The following DYSF variants were observed in gnomAD, a reference collection of about 807,000 sequenced individuals.
DYSF encodes the protein dysferlin.
In DYSF, 212 loss-of-function variants were observed where a neutral mutation model predicts 274.9. The ratio of observed to expected loss-of-function variants is 0.77; its 90% CI spans 0.69 to 0.86. The LOEUF is 0.86. DYSF is among the 40% of genes least tolerant of loss of function. The pLI, the probability that DYSF is intolerant of heterozygous loss-of-function variation, is 0.00. For synonymous variants in DYSF, 1,091 were observed against 1,078.7 expected, an observed-to-expected ratio of 1.01 and a Z score of -0.22; for missense variants, 2,666 against 2,783.2, an observed-to-expected ratio of 0.96 and a Z score of 0.95.
chr2:71,598,034 G>C (rs2093448344), intron 32 of DYSF, among the ~76,000 whole-genome samples: 2 of 152,192 alleles, frequency 1.3e-5, no homozygotes, highest in Admixed American at 6.5e-5. Flanking sequence ...CTTCCTCAAG[G>C]AAGCCAGATC....
intron 52 of DYSF, among the ~76,000 whole-genome samples, chr2:71,677,263 G>C (rs1179921604): frequency 6.6e-6 from 1 of 152,162 alleles, no homozygotes; most frequent in Non-Finnish European, 1.5e-5. Context: ...TATATTTAAT[G>C]TTCGGTTATA....
chr2:71,572,347 C>A (rs2092542433), intron 29 of DYSF, among the ~76,000 whole-genome samples: 2 of 149,674 alleles, frequency 1.3e-5, no homozygotes, highest in East Asian at 4.0e-4. Flanking sequence ...ACAGATCACA[C>A]CCAGCACAGA....
At chr2:71,535,186 C>G in intron 15 of DYSF, 82 bp from the exon 16 acceptor site, 1 of 1,598,432 alleles carries the variant, frequency 6.3e-7, no homozygotes, top group Non-Finnish European at 8.6e-7. Context: ...TGCCAGTATC[C>G]CAGACTTCAG....
intron 29 of DYSF, among the ~76,000 whole-genome samples, chr2:71,573,326 C>T (rs2092587273): frequency 6.6e-6 from 1 of 152,208 alleles, no homozygotes; most frequent in Non-Finnish European, 1.5e-5. Flanking sequence ...TGTGCCTTGC[C>T]CACCACCCCA....
intron 46 of DYSF, 139 bp downstream of exon 46, chr2:71,664,577 ATGG>A: frequency 1.0e-6 from 1 of 993,896 alleles, no homozygotes; most frequent in Non-Finnish European, 1.5e-6. Flanking sequence ...ATTGAGTCCA[ATGG>A]GAGTCCTATC....
At chr2:71,674,843 C>A (rs1233525077) in intron 52 of DYSF, among the ~76,000 whole-genome samples, 1 of 152,028 alleles carries the variant, frequency 6.6e-6, no homozygotes, top group Non-Finnish European at 1.5e-5. Flanking sequence ...GATATGGGGA[C>A]AAGGAGGAAG....
intron 42 of DYSF, among the ~76,000 whole-genome samples, chr2:71,644,767 T>C (rs918373675): frequency 6.6e-6 from 1 of 152,216 alleles, no homozygotes; most frequent in African/African-American, 2.4e-5. Context: ...TTAAAGGAGT[T>C]GCATGGTCTC....
intron 1 of DYSF, among the ~76,000 whole-genome samples, chr2:71,467,380 T>C (rs886599025): frequency 6.6e-6 from 1 of 152,184 alleles, no homozygotes; most frequent in Admixed American, 6.5e-5. Flanking sequence ...TTATCCAACA[T>C]TGGCTGTATT....
intron 20 of DYSF, 128 bp downstream of exon 20, chr2:71,553,316 C>A (rs1002726819): frequency 1.5e-6 from 2 of 1,348,632 alleles, no homozygotes; most frequent in East Asian, 2.4e-5. Flanking sequence ...CCCTGGCAAA[C>A]CTGTTCCAGC....
At chr2:71,561,286 T>C (rs2091737523) in intron 22 of DYSF, among the ~76,000 whole-genome samples, 1 of 152,206 alleles carries the variant, frequency 6.6e-6, no homozygotes, top group African/African-American at 2.4e-5. Context: ...CAGGGGTTCC[T>C]AAATTTCTTC....
chr2:71,585,950 T>G (rs2152838063), intron 30 of DYSF, among the ~76,000 whole-genome samples: 1 of 150,226 alleles, frequency 6.7e-6, no homozygotes, highest in East Asian at 2.0e-4. Context: ...AGGGGACACA[T>G]GGGGCAAGGG....
chr2:71,660,630 C>T lies in DYSF; in HGVS notation c.4982C>T (p.Thr1661Met), dbSNP rs144383140. ...GACCAGGATAACTACATCCCCTGCA[C>T]GCTGGAGCCCGTATTTGGAAAGTAA... ...VSDQDNYIPC[T>M]LEPVFGKMFE... The change falls in exon 45 of 56, where the codon ACG (threonine) becomes ATG (methionine). Residue 1661 changes from threonine to methionine, a missense_variant. By Grantham distance (81) the Thr-to-Met change is moderately conservative. This residue lies in a region of DYSF where 1,460 missense variants were observed against 1,502.1 expected (regional missense o/e 0.97). Coordinates refer to ENST00000410020, the MANE Select transcript of DYSF (RefSeq NM_001130987.2). 4.5e-5 allele frequency: 73 copies of T among 1,613,906 alleles called. No homozygotes were observed. The highest frequency in any genetic ancestry group is 6.7e-5 in the African/African-American group (5 of 74,920).
chr2:71,531,986 C>T (rs1438278632), intron 14 of DYSF, among the ~76,000 whole-genome samples: 2 of 152,202 alleles, frequency 1.3e-5, no homozygotes, highest in Non-Finnish European at 2.9e-5. Context: ...AATGAGTCAG[C>T]ATTCACTAAT....
intron 10 of DYSF, among the ~76,000 whole-genome samples, chr2:71,519,333 C>T (rs1373902531): frequency 7.9e-5 from 12 of 151,666 alleles, no homozygotes; most frequent in Admixed American, 6.6e-4. Flanking sequence ...TTCTGAGAAC[C>T]CAAGGGTTAA....
At chr2:71,650,371 C>T (rs763893059) in intron 42 of DYSF, among the ~76,000 whole-genome samples, 6 of 152,108 alleles carry the variant, frequency 3.9e-5, no homozygotes, top group Non-Finnish European at 8.8e-5. Flanking sequence ...ATTCTAGCTA[C>T]TCAGGAGGCT....
intron 42 of DYSF, among the ~76,000 whole-genome samples, chr2:71,645,148 AC>A (rs1490821153): frequency 4.6e-5 from 7 of 151,868 alleles, no homozygotes; most frequent in Admixed American, 6.6e-5. Context: ...GCTCAATTAG[AC>A]CCCTGCCTTA....
intron 9 of DYSF, 58 bp downstream of exon 9, chr2:71,516,300 G>C: frequency 6.6e-7 from 1 of 1,514,962 alleles, no homozygotes; most frequent in Non-Finnish European, 9.2e-7. Flanking sequence ...ATAGGTGTCA[G>C]TGCACACGCG....
intron 35 of DYSF, among the ~76,000 whole-genome samples, chr2:71,601,997 T>C (rs1351954793): frequency 3.9e-5 from 6 of 152,230 alleles, no homozygotes; most frequent in African/African-American, 1.4e-4. Flanking sequence ...TTCTCACACA[T>C]GCACGAGTTT....
chr2:71,595,484 A>G (rs1225280528), intron 32 of DYSF, among the ~76,000 whole-genome samples: 2 of 152,018 alleles, frequency 1.3e-5, no homozygotes, highest in African/African-American at 2.4e-5. Context: ...TCTGTCCCCG[A>G]CCCTGGTGGT....
Sources: gnomAD v4.1 joint callset for allele counts (sites outside exome capture counted in the v4.1 genomes callset) on GRCh38, gnomAD v4.1.1 for gene constraint, gnomAD v4.1.1 regional missense constraint, MANE v1.5 for transcripts, NCBI Gene and HGNC (gene_info 2026-07-23, HGNC 2026-07-21) for gene names.